CSMD1: variants seen among roughly 807,000 people sequenced by gnomAD.
CSMD1 encodes CUB and sushi domain-containing protein 1.
A neutral mutation model predicts 417.5 loss-of-function variants in CSMD1; 213 were observed. That is an observed-to-expected ratio of 0.51 (90% CI 0.46 to 0.57). The LOEUF is 0.57. Ranked by LOEUF, CSMD1 falls within the 20% of genes least tolerant of loss-of-function variation. The probability of loss-of-function intolerance (pLI) is 0.00; values close to 1 mark genes in which losing one functional copy is unlikely to be tolerated. For synonymous variants in CSMD1, 2,862 were observed against 1,736.8 expected, an observed-to-expected ratio of 1.65 and a Z score of -16.11; for missense variants, 6,923 against 4,529.7, an observed-to-expected ratio of 1.53 and a Z score of -15.17.
intron 3 of CSMD1, among the ~76,000 whole-genome samples, chr8:4,351,240 C>G (rs1801074125): frequency 1.3e-5 from 2 of 152,138 alleles, no homozygotes; most frequent in South Asian, 2.1e-4. Context: ...AAAGCTCCAT[C>G]TACATCCTGT....
intron 3 of CSMD1, among the ~76,000 whole-genome samples, chr8:4,129,304 T>G (rs940885103): frequency 1.3e-5 from 2 of 152,038 alleles, no homozygotes; most frequent in African/African-American, 4.8e-5. Flanking sequence ...CATTATCTTC[T>G]CCCTCTTTTC....
At chr8:3,484,684 A>G (rs1317415511) in intron 11 of CSMD1, among the ~76,000 whole-genome samples, 1 of 152,204 alleles carries the variant, frequency 6.6e-6, no homozygotes, top group East Asian at 1.9e-4. Context: ...GCTGCAAACC[A>G]TGTATTCTAC....
chr8:4,391,530 C>T (rs1409462081), intron 3 of CSMD1, among the ~76,000 whole-genome samples: 1 of 152,108 alleles, frequency 6.6e-6, no homozygotes, highest in Non-Finnish European at 1.5e-5. Context: ...GCCACAACCA[C>T]TGCATCAACC....
intron 23 of CSMD1, among the ~76,000 whole-genome samples, chr8:3,311,768 G>A (rs896902924): frequency 6.6e-6 from 1 of 150,776 alleles, no homozygotes. Context: ...TGTTCTGATT[G>A]TACAGAAGCG....
intron 1 of CSMD1, among the ~76,000 whole-genome samples, chr8:4,891,999 A>C (rs1804156153): frequency 6.6e-6 from 1 of 152,120 alleles, no homozygotes; most frequent in African/African-American, 2.4e-5. Flanking sequence ...AATAGCTCTT[A>C]AACACTGTAA....
intron 26 of CSMD1, among the ~76,000 whole-genome samples, chr8:3,249,726 C>T (rs1269111423): frequency 6.7e-6 from 1 of 148,508 alleles, no homozygotes; most frequent in Non-Finnish European, 1.5e-5. Flanking sequence ...ATAATAAGCT[C>T]CAAGAAGCAA....
At chr8:3,374,819 C>G (rs996659992) in intron 18 of CSMD1, among the ~76,000 whole-genome samples, 1 of 152,158 alleles carries the variant, frequency 6.6e-6, no homozygotes, top group Non-Finnish European at 1.5e-5. Context: ...TATTTATTGT[C>G]TTCCCACCAC....
intron 2 of CSMD1, among the ~76,000 whole-genome samples, chr8:4,469,834 C>T (rs935125761): frequency 1.3e-5 from 2 of 151,928 alleles, no homozygotes; most frequent in Non-Finnish European, 2.9e-5. Context: ...CTTAAAATGA[C>T]TCGCACACCT....
chr8:4,710,258 C>T (rs1298269111), intron 1 of CSMD1, among the ~76,000 whole-genome samples: 1 of 151,714 alleles, frequency 6.6e-6, no homozygotes, highest in Non-Finnish European at 1.5e-5. Flanking sequence ...TATATTTATA[C>T]ACATTTTATA....
At chr8:4,212,506 T>A (rs1800374965) in intron 3 of CSMD1, among the ~76,000 whole-genome samples, 2 of 152,052 alleles carry the variant, frequency 1.3e-5, no homozygotes, top group Admixed American at 6.6e-5. Flanking sequence ...CTAAAGCTTA[T>A]TTAGATTAGA....
intron 26 of CSMD1, among the ~76,000 whole-genome samples, chr8:3,282,978 A>T (rs1802852500): frequency 6.6e-6 from 1 of 152,148 alleles, no homozygotes; most frequent in Non-Finnish European, 1.5e-5. Context: ...CCACGGTGCC[A>T]TCCGAAGGGC....
rs146229213 is a variant in CSMD1 at position 3,256,037 on chromosome 8, C to G, written c.4154-25806G>C. Among the ~76,000 whole-genome samples the G allele has an allele frequency of 2.9e-3, 442 of 152,220 alleles. 2 individuals are homozygous for G. Among genetic ancestry groups the G allele is most frequent in the African/African-American group, 0.01 (420 of 41,544 alleles). ...TCCAAGTACACATTTTTATAGAAGA[C>G]AATGACTGAGCCGGGTGAGGTGGCT... On this transcript the variant is annotated intron_variant, in intron 26 of 69. Transcript: ENST00000635120.
intron 5 of CSMD1, among the ~76,000 whole-genome samples, chr8:3,843,360 T>C (rs1160010754): frequency 4.6e-5 from 7 of 152,320 alleles, no homozygotes; most frequent in Non-Finnish European, 8.8e-5. Flanking sequence ...TGAATATTTA[T>C]TGTGTGCTTA....
At chr8:3,190,733 C>T (rs767586277) in intron 33 of CSMD1, among the ~76,000 whole-genome samples, 5 of 152,158 alleles carry the variant, frequency 3.3e-5, no homozygotes, top group Non-Finnish European at 5.9e-5. Flanking sequence ...GTGCAAACAA[C>T]CTAAATGTCC....
intron 2 of CSMD1, among the ~76,000 whole-genome samples, chr8:4,634,307 T>A (rs181187829): frequency 3.0e-4 from 45 of 152,318 alleles, no homozygotes; most frequent in Non-Finnish European, 2.6e-4. Flanking sequence ...AGTTACAAGG[T>A]AAGCATCAAT....
At chr8:3,160,192 C>T (rs1383979952) in intron 38 of CSMD1, among the ~76,000 whole-genome samples, 2 of 152,020 alleles carry the variant, frequency 1.3e-5, no homozygotes, top group African/African-American at 2.4e-5. Flanking sequence ...GGTGCAATCT[C>T]GGCTCACTGC....
intron 21 of CSMD1, among the ~76,000 whole-genome samples, chr8:3,358,276 T>C (rs989176457): frequency 2.0e-5 from 3 of 152,144 alleles, no homozygotes; most frequent in African/African-American, 7.2e-5. Context: ...TAATCTCTCA[T>C]CTCCCTTTTT....
At chr8:4,589,003 G>A (rs1005396399) in intron 2 of CSMD1, among the ~76,000 whole-genome samples, 3 of 151,854 alleles carry the variant, frequency 2.0e-5, no homozygotes, top group Non-Finnish European at 2.9e-5. Flanking sequence ...ATATAAACAC[G>A]TTATGTATAC....
At chr8:4,283,059 A>C (rs1017160395) in intron 3 of CSMD1, among the ~76,000 whole-genome samples, 69 of 152,278 alleles carry the variant, frequency 4.5e-4, no homozygotes, top group African/African-American at 1.7e-3. Context: ...GATAGTTAGA[A>C]ACAGACTGTT....
Sources: allele counts gnomAD v4.1 joint callset (sites outside exome capture counted in the v4.1 genomes callset), GRCh38; gene constraint gnomAD v4.1.1; transcripts MANE v1.5; gene names NCBI Gene and HGNC (gene_info 2026-07-23, HGNC 2026-07-21).